FGD6: variants seen among roughly 807,000 people sequenced by gnomAD.
The protein encoded by FGD6 is FYVE, RhoGEF and PH domain-containing protein 6.
A neutral mutation model predicts 149.4 loss-of-function variants in FGD6; 90 were observed. The observed-to-expected ratio is 0.60, with a 90% CI of 0.51 to 0.72. The LOEUF (loss-of-function observed/expected upper bound fraction) is 0.72, where lower values mean the gene tolerates loss of function less well. Among genes scored for constraint, FGD6 ranks in the 30% least tolerant of loss-of-function variants. The pLI is 0.00. For synonymous variants in FGD6, 527 were observed against 584.0 expected (o/e 0.90, Z 1.41); for missense variants, 1,437 against 1,684.8 (o/e 0.85, Z 2.57).
chr12:95,078,621 A>C lies in FGD6; in HGVS notation c.*2899T>G, dbSNP rs145699849. On this transcript the variant is annotated 3_prime_UTR_variant, in exon 21 of 21. Transcript: ENST00000343958. ...AAGAATCTTGGGCAACCAAAATACAATAGGGGGATGCTGGGTACATTACAG... is the reference window on the plus strand; with the variant it reads ...AAGAATCTTGGGCAACCAAAATACACTAGGGGGATGCTGGGTACATTACAG... 1 of 152,236 alleles carries C rather than the reference A, an allele frequency of 6.6e-6. No homozygotes were observed. The highest frequency in any genetic ancestry group is 6.5e-5 in the Admixed American group (1 of 15,286). 9.4% of individuals were successfully genotyped at this position (152,236 alleles called of 1,614,324 possible).
Position 95,141,439 on chromosome 12 carries a change from T to C in FGD6, c.2786A>G (p.Tyr929Cys), listed in dbSNP as rs866176024. ...NQILYYLPQL[Y>C]ELNRDLLKEL... ...CTTCAAGAGATCCCGGTTGAGCTCA[T>C]ACAGCTGAGGCAAGTAGTATAGGAT... is the stretch of plus-strand genomic sequence containing the variant. The change falls in exon 6 of 21, where the codon TAT becomes TGT. Residue 929 changes from tyrosine to cysteine, a missense_variant. Tyr to Cys is a radical substitution (Grantham distance 194, BLOSUM62 -2). Around this residue, in one of 2 missense-constraint regions of FGD6, gnomAD observed 1,055 missense variants for 1,146.0 expected, o/e 0.92. Coordinates refer to ENST00000343958, the MANE Select transcript of FGD6 (RefSeq NM_018351.4). The C allele has an allele frequency of 3.1e-6, 5 of 1,614,206 alleles. No homozygotes were observed. The Middle Eastern group carries it at 8.2e-4, about 266-fold the overall frequency.
intron 9 of FGD6, among the ~76,000 whole-genome samples, chr12:95,110,587 C>A (rs1042490043): frequency 1.3e-5 from 2 of 151,598 alleles, no homozygotes; most frequent in African/African-American, 2.4e-5. Flanking sequence ...AACTCCTGAC[C>A]TCAGGTGATC....
rs918889704 is a variant in FGD6 at position 95,086,362 on chromosome 12, CAG to C, written c.3979-456_3979-455del. Among the ~76,000 whole-genome samples the C allele has an allele frequency of 1.3e-4, 19 of 151,870 alleles. 4 individuals are homozygous for C. The highest frequency in any genetic ancestry group is 7.2e-4 in the Admixed American group (11 of 15,254). On this transcript the variant is annotated intron_variant, in intron 18 of 20. Coordinates refer to ENST00000343958, the MANE Select transcript of FGD6 (RefSeq NM_018351.4). ...TTTGGACTTCTAAAAACCATACAAA[CAG>C]AATAATAAACAGAAAATTCTACTAT...
chr12:95,199,146 C>T (rs1032918397), intron 2 of FGD6, among the ~76,000 whole-genome samples: 1 of 152,162 alleles, frequency 6.6e-6, no homozygotes, highest in Non-Finnish European at 1.5e-5. Context: ...ATAAGGCTTT[C>T]CACCCCAGCA....
Position 95,079,867 on chromosome 12 carries a change from G to A in FGD6, c.*1653C>T, listed in dbSNP as rs937165770. 8 of 151,822 alleles carry A rather than the reference G, an allele frequency of 5.3e-5. No homozygotes were observed. The highest frequency in any genetic ancestry group is 1.7e-4 in the African/African-American group (7 of 41,298). 9.4% of individuals were successfully genotyped at this position (151,822 alleles called of 1,614,324 possible). A position where few individuals can be genotyped will look rare whatever the true frequency, so the allele number is the denominator to read the frequency against. On this transcript the variant is annotated 3_prime_UTR_variant, in exon 21 of 21. Coordinates refer to ENST00000343958, the MANE Select transcript of FGD6 (RefSeq NM_018351.4). The stretch of plus-strand genomic sequence containing the variant: ...TGCTGTTAAGGATCACACTGAATTA[G>A]GAAATCCTTTATTTAGAGGCAGAAA...
Position 95,137,763 on chromosome 12 carries a change from C to T in FGD6, c.2838-85G>A, listed in dbSNP as rs77733776. ...TGATACGCAGAGTCCACATCTAAGC[C>T]GCCAACTTATCTTTTTTTCTCTTCT... On this transcript the variant is annotated intron_variant, in intron 6 of 20. Transcript: ENST00000343958. 4.1e-3 allele frequency: 3,735 copies of T among 909,374 alleles called. 91 individuals carry two copies. In the African/African-American group the frequency reaches 0.056, roughly 14 times the overall value. 56.3% of individuals were successfully genotyped at this position (909,374 alleles called of 1,614,324 possible).
intron 11 of FGD6, 30 bp from the exon 12 acceptor site, chr12:95,107,661 T>A (rs1202514623): frequency 1.9e-6 from 3 of 1,608,194 alleles, no homozygotes; most frequent in Non-Finnish European, 1.7e-6. Flanking sequence ...ACCCATTTAG[T>A]CCTACCATCA....
intron 14 of FGD6, among the ~76,000 whole-genome samples, chr12:95,104,061 TA>T (rs970718365): frequency 3.9e-5 from 6 of 152,178 alleles, no homozygotes; most frequent in Non-Finnish European, 5.9e-5. Context: ...AATAGCCACT[TA>T]AAAAATGATC....
chr12:95,177,748 T>G (rs182739038), intron 2 of FGD6, among the ~76,000 whole-genome samples: 1 of 152,290 alleles, frequency 6.6e-6, no homozygotes, highest in East Asian at 1.9e-4. Flanking sequence ...TAGTAGTTAT[T>G]ATAGCACACT....
At chr12:95,191,795 T>C (rs962488458) in intron 2 of FGD6, among the ~76,000 whole-genome samples, 4 of 152,058 alleles carry the variant, frequency 2.6e-5, no homozygotes, top group African/African-American at 4.8e-5. Flanking sequence ...TGGAGTGCAA[T>C]AGCACGGTCT....
intron 2 of FGD6, among the ~76,000 whole-genome samples, chr12:95,188,466 T>C (rs1881506286): frequency 6.6e-6 from 1 of 152,162 alleles, no homozygotes; most frequent in South Asian, 2.1e-4. Context: ...AATGGAGCTG[T>C]CAGCCTTTGT....
rs61938194 is a variant in FGD6 at position 95,100,397 on chromosome 12, T to G, written c.3497+4610A>C. On this transcript the variant is annotated intron_variant, in intron 14 of 20. Transcript: ENST00000343958. ...TAGTTTGACTCAGCAATGATTGCTC[T>G]CAGTTATCACTGCTTATCACTAAGC... 221 of 218,898 alleles carry G rather than the reference T, an allele frequency of 1.0e-3. 1 individual carries two copies. Among genetic ancestry groups the G allele is most frequent in the Non-Finnish European group, 1.5e-3 (160 of 108,918 alleles). 13.6% of individuals were successfully genotyped at this position (218,898 alleles called of 1,614,324 possible). A position where few individuals can be genotyped will look rare whatever the true frequency, so the allele number is the denominator to read the frequency against.
chr12:95,079,562 C>T lies in FGD6; in HGVS notation c.*1958G>A, dbSNP rs1432715678. 6.6e-6 allele frequency: 1 copy of T among 152,194 alleles called. No individual in the cohort carries two copies. Among genetic ancestry groups the T allele is most frequent in the Non-Finnish European group, 1.5e-5 (1 of 68,044 alleles). The allele number at this position is 152,194 out of a possible 1,614,324, so 9.4% of individuals were successfully genotyped here. ...ACAGTTTATAAGGTACAACTTTAGC[C>T]TCCAAAAAGGAATACACTAAAAACT... On this transcript the variant is annotated 3_prime_UTR_variant, in exon 21 of 21. Coordinates refer to ENST00000343958, the MANE Select transcript of FGD6 (RefSeq NM_018351.4).
In FGD6 at chr12:95,210,907, A is replaced by G. The variant is rs1565925808; in HGVS notation, c.377T>C (p.Leu126Ser). 1 of 1,613,862 alleles carries G rather than the reference A, an allele frequency of 6.2e-7. No individual in the cohort carries two copies. The change falls in exon 2 of 21, where the codon TTG becomes TCG. Residue 126 changes from leucine to serine, a missense_variant. Leu to Ser is a moderately radical substitution (Grantham distance 145, BLOSUM62 -2). Coordinates refer to ENST00000343958, the MANE Select transcript of FGD6 (RefSeq NM_018351.4). ...CIHKLGHREN[L>S]CVKQLVLEPL... The stretch of plus-strand genomic sequence containing the variant: ...CTCTAAAACAAGCTGCTTTACACAC[A>G]AATTCTCTCTATGGCCCAGCTTATG...
intron 6 of FGD6, among the ~76,000 whole-genome samples, chr12:95,140,533 C>T (rs1879812408): frequency 6.6e-6 from 1 of 152,140 alleles, no homozygotes; most frequent in Admixed American, 6.5e-5. Context: ...AGAAGAATCA[C>T]TTGAACCTGG....
rs1311436426 is a variant in FGD6 at position 95,100,921 on chromosome 12, GA to G, written c.3497+4085del. The stretch of plus-strand genomic sequence containing the variant: ...TGGTGTTTATTTTTGCTCCTGACAA[GA>G]AACTGAAGCTGTCTACCCAGCTACC... On this transcript the variant is annotated intron_variant, in intron 14 of 20. Transcript: ENST00000343958. 3 of 368,524 alleles carry G rather than the reference GA, an allele frequency of 8.1e-6. No homozygotes were observed. In the Middle Eastern group the frequency reaches 1.3e-3, roughly 156 times the overall value. 22.8% of individuals were successfully genotyped at this position (368,524 alleles called of 1,614,324 possible).
intron 5 of FGD6, among the ~76,000 whole-genome samples, chr12:95,148,467 T>TA (rs958023567): frequency 2.7e-5 from 3 of 110,802 alleles, no homozygotes; most frequent in East Asian, 6.8e-4. Context: ...CATCTTTGTC[T>TA]AAAAAATCCC....
At chr12:95,172,035 A>AGGGTGGGGG (rs57459320) in intron 3 of FGD6, among the ~76,000 whole-genome samples, 4 of 35,828 alleles carry the variant, frequency 1.1e-4, no homozygotes, top group Non-Finnish European at 8.9e-5. Context: ...AACAATTCTA[A>AGGGTGGGGG]GGGGGGGGGG....
chr12:95,100,684 A>G, intron 14 of FGD6: 1 of 539,024 alleles, frequency 1.9e-6, no homozygotes, highest in Non-Finnish European at 3.8e-6. Context: ...ACCAGAATTC[A>G]CCAAGAGCAA....
Sources: gnomAD v4.1 joint callset for allele counts (sites outside exome capture counted in the v4.1 genomes callset) on GRCh38, gnomAD v4.1.1 for gene constraint, gnomAD v4.1.1 regional missense constraint, MANE v1.5 for transcripts, NCBI Gene and HGNC (gene_info 2026-07-23, HGNC 2026-07-21) for gene names.